Variants in DRD5 observed in about 807,000 individuals in gnomAD.
DRD5 encodes D(1B) dopamine receptor.
For synonymous variants in DRD5, 327 were observed against 277.1 expected (o/e 1.18, Z -1.79); for missense variants, 758 against 657.8 (o/e 1.15, Z -1.67).
In DRD5 at chr4:9,782,290, C is replaced by A; in HGVS notation, c.261C>A (p.Asp87Glu). 6.2e-7 allele frequency: 1 copy of A among 1,614,016 alleles called. No homozygotes were observed. The change falls in exon 1 of 1, where the codon GAC becomes GAA. Residue 87 changes from aspartate to glutamate, a missense_variant. Transcript: ENST00000304374. Reference sequence around the variant, plus strand: ...TCATCGTGTCTCTGGCCGTGTCAGACCTTTTCGTGGCGCTGCTGGTCATGC... The same window carrying A: ...TCATCGTGTCTCTGGCCGTGTCAGAACTTTTCGTGGCGCTGCTGGTCATGC... ...NVFIVSLAVS[D>E]LFVALLVMPW...
At position 9,782,811 on chromosome 4, in the gene DRD5, C is replaced by T; in HGVS notation, c.782C>T (p.Ser261Phe). The T allele has an allele frequency of 1.2e-6, 2 of 1,613,776 alleles. No homozygotes were observed. Among genetic ancestry groups the T allele is most frequent in the African/African-American group, 2.7e-5 (2 of 75,064 alleles). The change falls in exon 1 of 1, where the codon TCC (serine) becomes TTC (phenylalanine). Residue 261 changes from serine (S) to phenylalanine (F), a missense_variant. Ser to Phe is a radical substitution (Grantham distance 155). Coordinates refer to ENST00000304374, the MANE Select transcript of DRD5 (RefSeq NM_000798.5). ...IAQVQIRRIS[S>F]LERAAEHAQS... ...CAGGTGCAGATCCGCAGGATTTCCT[C>T]CCTGGAGAGGGCCGCAGAGCACGCG...
In DRD5 at chr4:9,782,589, C is replaced by G. The variant is rs1404987636; in HGVS notation, c.560C>G (p.Ser187Cys). Residue 187 changes from serine (S) to cysteine (C), a missense_variant, in exon 1 of 1, where the codon TCT becomes TGT. Transcript: ENST00000304374. ...QLNWHRDQAA[S>C]WGGLDLPNNL... is the part of the protein sequence containing the mutation. ...AACTGGCACAGGGACCAGGCGGCCT[C>G]TTGGGGCGGGCTGGACCTGCCAAAC... 7 of 1,613,972 alleles carry G rather than the reference C, an allele frequency of 4.3e-6. No individual in the cohort carries two copies. Among genetic ancestry groups the G allele is most frequent in the Non-Finnish European group, 5.1e-6 (6 of 1,179,860 alleles).
chr4:9,782,007 C>T lies in DRD5; in HGVS notation c.-23C>T. 3 of 1,438,574 alleles carry T rather than the reference C, an allele frequency of 2.1e-6. No individual in the cohort carries two copies. The South Asian group carries it at 4.4e-5, about 21-fold the overall frequency. 89.1% of individuals were successfully genotyped at this position (1,438,574 alleles called of 1,614,324 possible). ...GGCTGAAGTTGGGACCGCGCACAGA[C>T]CGCCCCTGCAGTCCAGCCCGAAATG... On this transcript the variant is annotated 5_prime_UTR_variant, in exon 1 of 1. Coordinates refer to ENST00000304374, the MANE Select transcript of DRD5 (RefSeq NM_000798.5).
chr4:9,782,738 C>T lies in DRD5; in HGVS notation c.709C>T (p.Pro237Ser), dbSNP rs1718639673. 6.2e-7 allele frequency: 1 copy of T among 1,614,028 alleles called. No individual in the cohort carries two copies. Among genetic ancestry groups the T allele is most frequent in the Non-Finnish European group, 8.5e-7 (1 of 1,179,878 alleles). Residue 237 changes from proline to serine, a missense_variant, in exon 1 of 1, where the codon CCC becomes TCC. Coordinates refer to ENST00000304374, the MANE Select transcript of DRD5 (RefSeq NM_000798.5). ...TTCCTCGCTCATCAGCTTCTACATC[C>T]CCGTTGCCATCATGATCGTGACCTA... The part of the protein sequence containing the change: ...ISSSLISFYI[P>S]VAIMIVTYTR...
Position 9,781,662 on chromosome 4 carries a change from G to A in DRD5, c.-368G>A, listed in dbSNP as rs1223940382. 5.6e-5 allele frequency: 11 copies of A among 194,880 alleles called. No homozygotes were observed. The East Asian group carries it at 1.0e-3, about 18-fold the overall frequency. The allele number at this position is 194,880 out of a possible 1,614,324, so 12.1% of individuals were successfully genotyped here. Reference sequence around the variant, plus strand: ...GCCAGCCTGGCGCCCGCGACTGCCTGCCCCAGCCCCTCAGTGGCGGCTTGC... The same window carrying A: ...GCCAGCCTGGCGCCCGCGACTGCCTACCCCAGCCCCTCAGTGGCGGCTTGC... On this transcript the variant is annotated 5_prime_UTR_variant, in exon 1 of 1. Transcript: ENST00000304374.
rs1167834616 is a variant in DRD5, at chr4:9,782,223, T to G, written c.194T>G (p.Ile65Ser). 3.1e-6 allele frequency: 5 copies of G among 1,612,786 alleles called. No homozygotes were observed. The Admixed American group carries it at 8.3e-5, about 27-fold the overall frequency. Residue 65 changes from isoleucine (I) to serine (S), a missense_variant, in exon 1 of 1, where the codon ATC becomes AGC. Physicochemically the swap from Ile to Ser is moderately radical, Grantham distance 142. Transcript: ENST00000304374. The part of the protein sequence containing the change: ...LLGNVLVCAA[I>S]VRSRHLRANM... Reference sequence around the variant, plus strand: ...GGCAACGTGCTGGTGTGCGCAGCCATCGTGCGGAGCCGCCACCTGCGCGCC... The same window carrying G: ...GGCAACGTGCTGGTGTGCGCAGCCAGCGTGCGGAGCCGCCACCTGCGCGCC...
chr4:9,782,108 G>C lies in DRD5; in HGVS notation c.79G>C (p.Val27Leu), dbSNP rs747489876. 39 of 1,546,396 alleles carry C rather than the reference G, an allele frequency of 2.5e-5. No individual in the cohort carries two copies. In the African/African-American group the frequency reaches 4.9e-4, roughly 19 times the overall value. The change falls in exon 1 of 1, where the codon GTG (valine) becomes CTG (leucine). Residue 27 changes from valine (V) to leucine (L), a missense_variant. Transcript: ENST00000304374. ...CCAGCAGCTGGCGCAGGGGAACGCC[G>C]TGGGGGGCTCGGCGGGGGCACCGCC... ...LYQQLAQGNA[V>L]GGSAGAPPLG...
In DRD5 at chr4:9,783,524, C is replaced by A. The variant is rs528816164; in HGVS notation, c.*61C>A. 3.4e-6 allele frequency: 5 copies of A among 1,457,558 alleles called. No individual in the cohort carries two copies. The South Asian group carries it at 5.3e-5, about 15-fold the overall frequency. 90.3% of individuals were successfully genotyped at this position (1,457,558 alleles called of 1,614,324 possible). On this transcript the variant is annotated 3_prime_UTR_variant, in exon 1 of 1. Transcript: ENST00000304374. ...CCGCACAGACATTGACAAGCACGCA[C>A]ACACACGCAAATACATGCCTTTCCA...
rs748181038 is a variant in DRD5 at position 9,782,060 on chromosome 4, T to C, written c.31T>C (p.Tyr11His). Residue 11 changes from tyrosine to histidine, a missense_variant, in exon 1 of 1, where the codon TAC becomes CAC. Coordinates refer to ENST00000304374, the MANE Select transcript of DRD5 (RefSeq NM_000798.5). MLPPGSNGTA[Y>H]PGQFALYQQL... ...GCCGCCAGGCAGCAACGGCACCGCG[T>C]ACCCGGGGCAGTTCGCTCTATACCA... 1.3e-6 allele frequency: 2 copies of C among 1,488,408 alleles called. No homozygotes were observed. Among genetic ancestry groups the C allele is most frequent in the South Asian group, 2.8e-5 (2 of 72,320 alleles). The allele number at this position is 1,488,408 out of a possible 1,614,324, so 92.2% of individuals were successfully genotyped here.
Position 9,782,766 on chromosome 4 carries a change from C to A in DRD5, c.737C>A (p.Thr246Lys). The A allele has an allele frequency of 6.2e-7, 1 of 1,614,006 alleles. No individual in the cohort carries two copies. Among genetic ancestry groups the A allele is most frequent in the Non-Finnish European group, 8.5e-7 (1 of 1,179,878 alleles). The change falls in exon 1 of 1, where the codon ACG becomes AAG. Residue 246 changes from threonine to lysine, a missense_variant. Coordinates refer to ENST00000304374, the MANE Select transcript of DRD5 (RefSeq NM_000798.5). Reference protein sequence around the residue: ...IPVAIMIVTYTRIYRIAQVQI... With the variant: ...IPVAIMIVTYKRIYRIAQVQI... Reference sequence around the variant, plus strand: ...GTTGCCATCATGATCGTGACCTACACGCGCATCTACCGCATCGCCCAGGTG... The same window carrying A: ...GTTGCCATCATGATCGTGACCTACAAGCGCATCTACCGCATCGCCCAGGTG...
At position 9,782,817 on chromosome 4, in the gene DRD5, A is replaced by G. The variant is rs752776884; in HGVS notation, c.788A>G (p.Glu263Gly). ...CAGATCCGCAGGATTTCCTCCCTGGAGAGGGCCGCAGAGCACGCGCAGAGC... is the reference window on the plus strand; with the variant it reads ...CAGATCCGCAGGATTTCCTCCCTGGGGAGGGCCGCAGAGCACGCGCAGAGC... ...QVQIRRISSL[E>G]RAAEHAQSCR... Residue 263 changes from glutamate (E) to glycine (G), a missense_variant, in exon 1 of 1, where the codon GAG becomes GGG. Glu to Gly is a moderately conservative substitution (Grantham distance 98). Coordinates refer to ENST00000304374, the MANE Select transcript of DRD5 (RefSeq NM_000798.5). 9 of 1,613,426 alleles carry G rather than the reference A, an allele frequency of 5.6e-6. No individual in the cohort carries two copies. The East Asian group carries it at 1.6e-4, about 28-fold the overall frequency.
At position 9,781,818 on chromosome 4, in the gene DRD5, C is replaced by A. The variant is rs371572831; in HGVS notation, c.-212C>A. ...GTCCCCATCGCGGAGACTGGAGGGG[C>A]GCACCACGGCCATGGAGCCAGAGGC... On this transcript the variant is annotated 5_prime_UTR_variant, in exon 1 of 1. Coordinates refer to ENST00000304374, the MANE Select transcript of DRD5 (RefSeq NM_000798.5). The A allele has an allele frequency of 4.6e-6, 2 of 437,092 alleles. No homozygotes were observed. Among genetic ancestry groups the A allele is most frequent in the South Asian group, 8.3e-5 (1 of 12,034 alleles). The allele number at this position is 437,092 out of a possible 1,614,324, so 27.1% of individuals were successfully genotyped here.
In DRD5 at chr4:9,782,855, G is replaced by T. The variant is rs2108853811; in HGVS notation, c.826G>T (p.Ala276Ser). Reference sequence around the variant, plus strand: ...GCACGCGCAGAGCTGCCGGAGCAGCGCAGCCTGCGCGCCCGACACCAGCCT... The same window carrying T: ...GCACGCGCAGAGCTGCCGGAGCAGCTCAGCCTGCGCGCCCGACACCAGCCT... ...AEHAQSCRSSAACAPDTSLRA... is the reference protein window; with the variant it reads ...AEHAQSCRSSSACAPDTSLRA... The change falls in exon 1 of 1, where the codon GCA becomes TCA. Residue 276 changes from alanine (A) to serine (S), a missense_variant. By Grantham distance (99) the Ala-to-Ser change is moderately conservative. Coordinates refer to ENST00000304374, the MANE Select transcript of DRD5 (RefSeq NM_000798.5). 1.2e-6 allele frequency: 2 copies of T among 1,611,758 alleles called. No individual in the cohort carries two copies. The highest frequency in any genetic ancestry group is 1.1e-5 in the South Asian group (1 of 91,026).
chr4:9,783,698 C>A lies in DRD5; in HGVS notation c.*235C>A. ...GCCTACCAGAGATGGACCAACGATC[C>A]TATGAGAGAAGAGAGTATGGTGCTG... On this transcript the variant is annotated 3_prime_UTR_variant, in exon 1 of 1. Coordinates refer to ENST00000304374, the MANE Select transcript of DRD5 (RefSeq NM_000798.5). 1 of 530,788 alleles carries A rather than the reference C, an allele frequency of 1.9e-6. No individual in the cohort carries two copies. Among genetic ancestry groups the A allele is most frequent in the South Asian group, 2.9e-5 (1 of 34,790 alleles). 32.9% of individuals were successfully genotyped at this position (530,788 alleles called of 1,614,324 possible).
At position 9,782,514 on chromosome 4, in the gene DRD5, G is replaced by T. The variant is rs1215258931; in HGVS notation, c.485G>T (p.Gly162Val). 3.7e-6 allele frequency: 6 copies of T among 1,613,868 alleles called. No individual in the cohort carries two copies. Among genetic ancestry groups the T allele is most frequent in the African/African-American group, 2.7e-5 (2 of 74,940 alleles). Residue 162 changes from glycine (G) to valine (V), a missense_variant, in exon 1 of 1, where the codon GGC becomes GTC. Gly to Val is a moderately radical substitution (Grantham distance 109). Transcript: ENST00000304374. Reference sequence around the variant, plus strand: ...CAGCGCATGGCCTTGGTCATGGTCGGCCTGGCATGGACCTTGTCCATCCTC... The same window carrying T: ...CAGCGCATGGCCTTGGTCATGGTCGTCCTGGCATGGACCTTGTCCATCCTC... ...MTQRMALVMV[G>V]LAWTLSILIS...
chr4:9,783,694 G>C lies in DRD5; in HGVS notation c.*231G>C. On this transcript the variant is annotated 3_prime_UTR_variant, in exon 1 of 1. Transcript: ENST00000304374. ...CCCAGCCTACCAGAGATGGACCAAC[G>C]ATCCTATGAGAGAAGAGAGTATGGT... 3.8e-6 allele frequency: 2 copies of C among 533,058 alleles called. No individual in the cohort carries two copies. Among genetic ancestry groups the C allele is most frequent in the East Asian group, 3.2e-5 (1 of 31,212 alleles). The allele number at this position is 533,058 out of a possible 1,614,324, so 33.0% of individuals were successfully genotyped here. A position where few individuals can be genotyped will look rare whatever the true frequency, so the allele number is the denominator to read the frequency against.
In DRD5 at chr4:9,782,469, G is replaced by A. The variant is rs896687934; in HGVS notation, c.440G>A (p.Arg147His). 6.2e-7 allele frequency: 1 copy of A among 1,613,916 alleles called. No individual in the cohort carries two copies. Among genetic ancestry groups the A allele is most frequent in the Non-Finnish European group, 8.5e-7 (1 of 1,179,816 alleles). Reference protein sequence around the residue: ...DRYWAISRPFRYKRKMTQRMA... With the variant: ...DRYWAISRPFHYKRKMTQRMA... ...TACTGGGCCATCTCCAGGCCCTTCC[G>A]CTACAAGCGCAAGATGACTCAGCGC... The change falls in exon 1 of 1, where the codon CGC (arginine) becomes CAC (histidine). Residue 147 changes from arginine to histidine, a missense_variant. By Grantham distance (29) the Arg-to-His change is conservative. Coordinates refer to ENST00000304374, the MANE Select transcript of DRD5 (RefSeq NM_000798.5).
In DRD5 at chr4:9,782,582, G is replaced by A. The variant is rs1422616269; in HGVS notation, c.553G>A (p.Ala185Thr). 8.1e-6 allele frequency: 13 copies of A among 1,613,826 alleles called. No individual in the cohort carries two copies. The highest frequency in any genetic ancestry group is 2.2e-5 in the East Asian group (1 of 44,884). Reference protein sequence around the residue: ...PVQLNWHRDQAASWGGLDLPN... With the variant: ...PVQLNWHRDQTASWGGLDLPN... Reference sequence around the variant, plus strand: ...CCAGCTCAACTGGCACAGGGACCAGGCGGCCTCTTGGGGCGGGCTGGACCT... The same window carrying A: ...CCAGCTCAACTGGCACAGGGACCAGACGGCCTCTTGGGGCGGGCTGGACCT... The change falls in exon 1 of 1, where the codon GCG (alanine) becomes ACG (threonine). Residue 185 changes from alanine (A) to threonine (T), a missense_variant. By Grantham distance (58) the Ala-to-Thr change is moderately conservative (BLOSUM62 0). Coordinates refer to ENST00000304374, the MANE Select transcript of DRD5 (RefSeq NM_000798.5).
rs769335952 is a variant in DRD5 at position 9,782,696 on chromosome 4, C to T, written c.667C>T (p.Arg223Ter). 9 of 1,614,044 alleles carry T rather than the reference C, an allele frequency of 5.6e-6. No homozygotes were observed. The highest frequency in any genetic ancestry group is 4.4e-5 in the South Asian group (4 of 91,084). ...AGAGAACTGTGACTCCAGCCTGAAT[C>T]GAACCTACGCCATCTCTTCCTCGCT... ...NAENCDSSLNRTYAISSSLIS... is the reference protein window; with the variant it reads ...NAENCDSSLN Residue 223 changes from arginine to a stop codon, truncating the protein, a stop_gained, in exon 1 of 1, where the codon CGA becomes TGA. Coordinates refer to ENST00000304374, the MANE Select transcript of DRD5 (RefSeq NM_000798.5). LOFTEE classifies it low-confidence loss of function (END_TRUNC).
Sources: gnomAD v4.1 joint callset for allele counts on GRCh38, gnomAD v4.1.1 for gene constraint, MANE v1.5 for transcripts, NCBI Gene and HGNC (gene_info 2026-07-23, HGNC 2026-07-21) for gene names.